ADAP1: variants seen among roughly 807,000 people sequenced by gnomAD.
ADAP1 encodes the protein arf-GAP with dual PH domain-containing protein 1.
Under a neutral mutation model 54.9 loss-of-function variants are expected in ADAP1, and 31 were observed. The ratio of observed to expected loss-of-function variants is 0.56; its 90% CI spans 0.42 to 0.76. The LOEUF (loss-of-function observed/expected upper bound fraction) is 0.76, where lower values mean the gene tolerates loss of function less well. Among genes scored for constraint, ADAP1 ranks in the 30% least tolerant of loss-of-function variants. The pLI is 0.00. For missense variants in ADAP1, 535 were observed against 512.4 expected (o/e 1.04, Z -0.42); for synonymous variants, 313 against 202.6 (o/e 1.55, Z -4.63).
intron 1 of ADAP1, among the ~76,000 whole-genome samples, chr7:940,684 C>A (rs1461417380): frequency 1.3e-5 from 2 of 152,154 alleles, no homozygotes; most frequent in African/African-American, 4.8e-5. Context: ...GACACAGCCA[C>A]CCTACTCCTA....
intron 5 of ADAP1, 114 bp downstream of exon 5, chr7:904,943 CGGG>C: frequency 1.2e-6 from 1 of 854,082 alleles, no homozygotes; most frequent in South Asian, 1.5e-5. Context: ...GCGTCCCCAT[CGGG>C]GGGGGCAGCA....
chr7:936,092 C>T (rs1846752987), intron 1 of ADAP1, among the ~76,000 whole-genome samples: 1 of 152,226 alleles, frequency 6.6e-6, no homozygotes, highest in African/African-American at 2.4e-5. Flanking sequence ...GTGGCTTCAC[C>T]CTGCATGTGG....
At position 919,994 on chromosome 7, in the gene ADAP1, G is replaced by T. The variant is rs139497517; in HGVS notation, c.362C>A (p.Pro121Gln). Residue 121 changes from proline (P) to glutamine (Q), a missense_variant, in exon 4 of 11, where the codon CCG becomes CAG. Pro to Gln is a moderately conservative substitution (Grantham distance 76). Coordinates refer to ENST00000265846, the MANE Select transcript of ADAP1 (RefSeq NM_006869.4). Reference protein sequence around the residue: ...AKYERQEFIYPEKQEPYSAGY... With the variant: ...AKYERQEFIYQEKQEPYSAGY... ...TGCCGAGTAGGGCTCCTGCTTCTCC[G>T]GGTAGATGAACTCCTGTCGCTCGTA... 1.2e-6 allele frequency: 2 copies of T among 1,607,300 alleles called. No homozygotes were observed. Among genetic ancestry groups the T allele is most frequent in the Admixed American group, 1.7e-5 (1 of 59,880 alleles).
intron 4 of ADAP1, among the ~76,000 whole-genome samples, chr7:908,785 C>T (rs555140633): frequency 6.6e-6 from 1 of 152,246 alleles, no homozygotes; most frequent in Non-Finnish European, 1.5e-5. Flanking sequence ...CTGCCGCTCA[C>T]GGCCTTGTGT....
intron 4 of ADAP1, among the ~76,000 whole-genome samples, chr7:906,733 G>GAGAA (rs1169328290): frequency 3.6e-5 from 1 of 28,074 alleles, no homozygotes; most frequent in Non-Finnish European, 6.7e-5. Flanking sequence ...CGGGACATGG[G>GAGAA]GGACAGAGTA....
chr7:950,281 C>A (rs541074083), intron 1 of ADAP1, among the ~76,000 whole-genome samples: 69 of 152,042 alleles, frequency 4.5e-4, no homozygotes, highest in African/African-American at 1.6e-3. Context: ...GTCAGGAGAT[C>A]GAGACCGTCC....
At chr7:954,725 GC>G, upstream of ADAP1, 2 of 980,932 alleles carry the variant, frequency 2.0e-6, no homozygotes, top group Non-Finnish European at 2.4e-6. Flanking sequence ...GGCCGGCAAG[GC>G]CCGCGGGCGG....
At chr7:908,263 C>T (rs927901332) in intron 4 of ADAP1, among the ~76,000 whole-genome samples, 1 of 152,318 alleles carries the variant, frequency 6.6e-6, no homozygotes, top group East Asian at 1.9e-4. Flanking sequence ...CCCCCTGCTC[C>T]CCAGCATCCC....
intron 4 of ADAP1, among the ~76,000 whole-genome samples, chr7:909,982 G>A (rs548550942): frequency 6.6e-6 from 1 of 152,294 alleles, no homozygotes; most frequent in Admixed American, 6.5e-5. Flanking sequence ...CGCCTCTGAG[G>A]AGCCCTTCTG....
intron 6 of ADAP1, chr7:901,217 G>T (rs1414178964): frequency 2.8e-6 from 1 of 358,622 alleles, no homozygotes; most frequent in East Asian, 7.4e-5. Context: ...CCAGCCCCAC[G>T]TCGGGTGCCC....
rs1846172797 is a variant in ADAP1, at chr7:920,970, C to T, written c.306-920G>A. 9.0e-7 allele frequency: 1 copy of T among 1,108,780 alleles called. No homozygotes were observed. Among genetic ancestry groups the T allele is most frequent in the Admixed American group, 2.2e-5 (1 of 45,618 alleles). 68.7% of individuals were successfully genotyped at this position (1,108,780 alleles called of 1,614,324 possible). A position where few individuals can be genotyped will look rare whatever the true frequency, so the allele number is the denominator to read the frequency against. On this transcript the variant is annotated intron_variant, in intron 3 of 10. Coordinates refer to ENST00000265846, the MANE Select transcript of ADAP1 (RefSeq NM_006869.4). The surrounding 1 kb of genome is among the most constrained non-coding windows in gnomAD (Gnocchi z 4.5). The stretch of plus-strand genomic sequence containing the variant: ...CTTGGAGACTGGGCGGGAATCCTCG[C>T]CCACAGGATCTGATGGGTGATGGGT...
At chr7:899,354 T>A in intron 9 of ADAP1, 65 bp downstream of exon 9, 32 of 1,606,808 alleles carry the variant, frequency 2.0e-5, no homozygotes, top group Non-Finnish European at 2.7e-5. Flanking sequence ...GCCCTCCTGG[T>A]CACGCATCTG....
At chr7:947,351 C>T (rs1162973042) in intron 1 of ADAP1, among the ~76,000 whole-genome samples, 1 of 151,856 alleles carries the variant, frequency 6.6e-6, no homozygotes, top group Non-Finnish European at 1.5e-5. Context: ...GCCACCGCGC[C>T]TGACCTTGAT....
chr7:939,498 G>A (rs1017316628), intron 1 of ADAP1, among the ~76,000 whole-genome samples: 12 of 151,502 alleles, frequency 7.9e-5, no homozygotes, highest in Admixed American at 2.0e-4. Context: ...GATTACAGGC[G>A]TGAGCCACCA....
chr7:952,242 A>AAGAC (rs1847289856), intron 1 of ADAP1, among the ~76,000 whole-genome samples: 1 of 152,168 alleles, frequency 6.6e-6, no homozygotes, highest in Admixed American at 6.5e-5. Flanking sequence ...CAGAGACCCC[A>AAGAC]AGACTGCTTC....
intron 2 of ADAP1, among the ~76,000 whole-genome samples, chr7:933,076 A>G (rs528210944): frequency 2.0e-5 from 3 of 152,168 alleles, no homozygotes; most frequent in East Asian, 3.9e-4. Context: ...GTTCAAGACC[A>G]GCCTTGCCAA....
In ADAP1 at chr7:918,591, G is replaced by A. The variant is rs531237411; in HGVS notation, c.388+1377C>T. Reference sequence around the variant, plus strand: ...GGGGTTGCAGGTCCGGGCCCTGGGGGCTGCTTCCTTCCTCACGTGGCCATG... The same window carrying A: ...GGGGTTGCAGGTCCGGGCCCTGGGGACTGCTTCCTTCCTCACGTGGCCATG... On this transcript the variant is annotated intron_variant, in intron 4 of 10. Coordinates refer to ENST00000265846, the MANE Select transcript of ADAP1 (RefSeq NM_006869.4). 7.2e-5 allele frequency among the ~76,000 whole-genome samples: 11 copies of A among 152,286 alleles called. No homozygotes were observed. In the South Asian group the frequency reaches 2.3e-3, roughly 32 times the overall value.
intron 2 of ADAP1, among the ~76,000 whole-genome samples, chr7:930,101 C>CAA (rs1170304660): frequency 0.012 from 408 of 33,274 alleles, 75 homozygotes; most frequent in African/African-American, 0.028. Context: ...AAGACTGTCT[C>CAA]AAAAAAAAAA....
rs1846151445 is a variant in ADAP1, at chr7:920,518, C to G, written c.306-468G>C. Among the ~76,000 whole-genome samples, 1 of 151,672 alleles carries G rather than the reference C, an allele frequency of 6.6e-6. No homozygotes were observed. The highest frequency in any genetic ancestry group is 2.4e-5 in the African/African-American group (1 of 41,182). On this transcript the variant is annotated intron_variant, in intron 3 of 10. Coordinates refer to ENST00000265846, the MANE Select transcript of ADAP1 (RefSeq NM_006869.4). The surrounding 1 kb of genome is among the most constrained non-coding windows in gnomAD (Gnocchi z 4.5). ...CACCCACCGTGCTGCCACCTTGCACCCCCCGTGCCGCCCTCCACCCGCCGT... is the reference window on the plus strand; with the variant it reads ...CACCCACCGTGCTGCCACCTTGCACGCCCCGTGCCGCCCTCCACCCGCCGT...
Sources: gnomAD v4.1 joint callset for allele counts (sites outside exome capture counted in the v4.1 genomes callset) on GRCh38, gnomAD v4.1.1 for gene constraint, Gnocchi (gnomAD v3.1) non-coding constraint, MANE v1.5 for transcripts, NCBI Gene and HGNC (gene_info 2026-07-23, HGNC 2026-07-21) for gene names.